Variants in COL5A2 observed in about 807,000 individuals in gnomAD.
COL5A2 encodes collagen type V alpha 2 chain.
In COL5A2, 23 loss-of-function variants were observed where a neutral mutation model predicts 208.2. The observed-to-expected ratio is 0.11, with a 90% CI of 0.08 to 0.16. COL5A2 has a LOEUF of 0.16. Ranked by LOEUF, COL5A2 falls within the 10% of genes least tolerant of loss-of-function variation. The pLI is 1.00. For missense variants in COL5A2, 1,590 were observed against 1,956.4 expected, an observed-to-expected ratio of 0.81 and a Z score of 3.53; for synonymous variants, 625 against 628.5, an observed-to-expected ratio of 0.99 and a Z score of 0.08.
chr2:189,167,280 C>T (rs932942714), intron 1 of COL5A2, among the ~76,000 whole-genome samples: 2 of 152,126 alleles, frequency 1.3e-5, no homozygotes, highest in Non-Finnish European at 2.9e-5. Flanking sequence ...CTAAAACTTA[C>T]CAATTCTATT....
the COL5A2 span, among the ~76,000 whole-genome samples, chr2:189,388,468 C>T: frequency 6.6e-6 from 1 of 152,054 alleles, no homozygotes; most frequent in African/African-American, 2.4e-5. Context: ...AGGCAAAGAG[C>T]CTTGAGGGAT....
At chr2:189,430,351 A>C in the COL5A2 span, among the ~76,000 whole-genome samples, 2 of 152,216 alleles carry the variant, frequency 1.3e-5, no homozygotes, top group South Asian at 4.1e-4. Flanking sequence ...GAGTGAGAGG[A>C]AAAGATACCC....
At position 189,064,994 on chromosome 2, in the gene COL5A2, G is replaced by T; in HGVS notation, c.1617+10C>A. 6.2e-7 allele frequency: 1 copy of T among 1,613,320 alleles called. No homozygotes were observed. Among genetic ancestry groups the T allele is most frequent in the Non-Finnish European group, 8.5e-7 (1 of 1,179,672 alleles). On this transcript the variant is annotated intron_variant, in intron 24 of 53. Transcript: ENST00000374866. Reference sequence around the variant, plus strand: ...CCACGTAAGTATCAACATTGACAGGGCAACCTCACCTTTGGCCCAGGTAAA... The same window carrying T: ...CCACGTAAGTATCAACATTGACAGGTCAACCTCACCTTTGGCCCAGGTAAA...
intron 21 of COL5A2, 142 bp downstream of exon 21, chr2:189,067,873 T>C (rs917216435): frequency 2.7e-6 from 2 of 740,830 alleles, no homozygotes; most frequent in African/African-American, 1.7e-5. Context: ...ACATTTAGCT[T>C]TCACTTCACA....
intron 1 of COL5A2, among the ~76,000 whole-genome samples, chr2:189,146,871 A>G (rs550242416): frequency 2.6e-5 from 4 of 152,168 alleles, no homozygotes; most frequent in Non-Finnish European, 4.4e-5. Context: ...GTCAAGGAAG[A>G]AAGGGAAGCC....
chr2:189,145,015 T>C (rs1356246836), intron 1 of COL5A2, among the ~76,000 whole-genome samples: 2 of 152,182 alleles, frequency 1.3e-5, no homozygotes, highest in African/African-American at 2.4e-5. Flanking sequence ...TAGAACCTCA[T>C]GGAAGCCCGA....
chr2:189,339,328 A>G, the COL5A2 span, among the ~76,000 whole-genome samples: 21 of 150,836 alleles, frequency 1.4e-4, no homozygotes, highest in Middle Eastern at 3.4e-3. Context: ...TCCAGCCTAT[A>G]CAACAGAGTA....
chr2:189,155,995 T>C (rs1019073299), intron 1 of COL5A2, among the ~76,000 whole-genome samples: 1 of 152,240 alleles, frequency 6.6e-6, no homozygotes, highest in Non-Finnish European at 1.5e-5. Context: ...TCTCTGGCTA[T>C]GATTCCTGCT....
the COL5A2 span, among the ~76,000 whole-genome samples, chr2:189,251,008 G>A: frequency 2.6e-5 from 4 of 152,092 alleles, no homozygotes; most frequent in Non-Finnish European, 5.9e-5. Context: ...CCTGCTTAAC[G>A]GTATGAAGTC....
the COL5A2 span, among the ~76,000 whole-genome samples, chr2:189,379,574 C>A: frequency 6.6e-6 from 1 of 152,080 alleles, no homozygotes; most frequent in Admixed American, 6.5e-5. Flanking sequence ...ATACTCAGCT[C>A]AAGACATGTT....
At chr2:189,037,777 A>T (rs1485118030) in intron 51 of COL5A2, among the ~76,000 whole-genome samples, 1 of 152,200 alleles carries the variant, frequency 6.6e-6, no homozygotes, top group South Asian at 2.1e-4. Context: ...ATTAAACTAC[A>T]TGAAAGGAAT....
intron 1 of COL5A2, among the ~76,000 whole-genome samples, chr2:189,152,470 A>G (rs1350034162): frequency 6.6e-6 from 1 of 152,212 alleles, no homozygotes; most frequent in African/African-American, 2.4e-5. Flanking sequence ...CCAACACACA[A>G]TGTAGCTCAA....
chr2:189,308,995 T>C, the COL5A2 span, among the ~76,000 whole-genome samples: 3 of 152,200 alleles, frequency 2.0e-5, no homozygotes, highest in South Asian at 4.1e-4. Flanking sequence ...TTGATTCTTT[T>C]TGTCAACAGT....
chr2:189,194,436 T>C (rs1688970287), intron 1 of COL5A2, among the ~76,000 whole-genome samples: 1 of 152,232 alleles, frequency 6.6e-6, no homozygotes, highest in South Asian at 2.1e-4. Context: ...CACTTAGGAA[T>C]ACATTTTACA....
chr2:189,256,820 G>T, the COL5A2 span, among the ~76,000 whole-genome samples: 1 of 152,122 alleles, frequency 6.6e-6, no homozygotes, highest in Non-Finnish European at 1.5e-5. Flanking sequence ...AGTAGAGACA[G>T]GGTTTCACCA....
In COL5A2 at chr2:189,064,446, TG is replaced by T. The variant is rs989649566; in HGVS notation, c.1716+110del. 110 of 751,194 alleles carry T rather than the reference TG, an allele frequency of 1.5e-4. No individual in the cohort carries two copies. In the African/African-American group the frequency reaches 1.7e-3, roughly 12 times the overall value. The allele number at this position is 751,194 out of a possible 1,614,324, so 46.5% of individuals were successfully genotyped here. On this transcript the variant is annotated intron_variant, in intron 25 of 53. Transcript: ENST00000374866. ...GATCAAAACCATAAAAACAAAGAAA[TG>T]TTCTAAACTGTAAAAACAAACTAAA...
At chr2:189,357,888 T>A in the COL5A2 span, among the ~76,000 whole-genome samples, 1 of 152,092 alleles carries the variant, frequency 6.6e-6, no homozygotes, top group South Asian at 2.1e-4. Flanking sequence ...CTGTGGGTTG[T>A]GAAGACTGTG....
intron 1 of COL5A2, among the ~76,000 whole-genome samples, chr2:189,206,429 C>T (rs1576585795): frequency 6.6e-6 from 1 of 152,114 alleles, no homozygotes; most frequent in Non-Finnish European, 1.5e-5. Context: ...TGTGTGTGCC[C>T]TTTAGACCAA....
the COL5A2 span, among the ~76,000 whole-genome samples, chr2:189,366,412 G>A: frequency 6.6e-6 from 1 of 152,170 alleles, no homozygotes; most frequent in Admixed American, 6.5e-5. Context: ...CTGGGAGAAA[G>A]GTACCATTGA....
Sources: gnomAD v4.1 joint callset for allele counts (sites outside exome capture counted in the v4.1 genomes callset) on GRCh38, gnomAD v4.1.1 for gene constraint, MANE v1.5 for transcripts, NCBI Gene and HGNC (gene_info 2026-07-23, HGNC 2026-07-21) for gene names.